ZNF599: variants seen among roughly 807,000 people sequenced by gnomAD.
ZNF599 encodes zinc finger protein 599.
In ZNF599, 10 loss-of-function variants were observed where a neutral mutation model predicts 11.7. That is an observed-to-expected ratio of 0.86 (90% CI 0.53 to 1.45). ZNF599 has a LOEUF of 1.45. ZNF599 is among the 40% of genes most tolerant of loss of function. The pLI is 0.00. For missense variants in ZNF599, 688 were observed against 713.6 expected (o/e 0.96, Z 0.41); for synonymous variants, 232 against 253.2 (o/e 0.92, Z 0.79).
rs1391393429 is a variant in ZNF599, at chr19:34,759,478, A to G, written c.1323T>C (p.His441=). 1 of 1,614,004 alleles carries G rather than the reference A, an allele frequency of 6.2e-7. No individual in the cohort carries two copies. ...AFCDSSSLIQ[H]MRIHTGEKPY... ...GCTTCTCACCAGTGTGAATCCTCAT[A>G]TGTTGAATTAAGGAAGAGCTGTCAC... Residue 441 remains histidine, a synonymous_variant, in exon 4 of 4, where the codon CAT becomes CAC. Transcript: ENST00000329285.
intron 3 of ZNF599, 88 bp from the exon 4 acceptor site, chr19:34,760,647 G>T: frequency 8.3e-7 from 1 of 1,210,670 alleles, no homozygotes; most frequent in South Asian, 1.6e-5. Context: ...GAATGAAGGT[G>T]AAAACAGTGT....
At chr19:34,787,022 C>T in the ZNF599 span, among the ~76,000 whole-genome samples, 1 of 152,140 alleles carries the variant, frequency 6.6e-6, no homozygotes, top group Non-Finnish European at 1.5e-5. Context: ...CCCACCAAAA[C>T]CTAGTGAATC....
At chr19:34,801,094 T>A in the ZNF599 span, among the ~76,000 whole-genome samples, 2 of 152,122 alleles carry the variant, frequency 1.3e-5, no homozygotes, top group Admixed American at 6.5e-5. Context: ...TCACAGTCAG[T>A]GATCTGAGGA....
chr19:34,804,900 T>G, the ZNF599 span, among the ~76,000 whole-genome samples: 1 of 152,182 alleles, frequency 6.6e-6, no homozygotes, highest in Non-Finnish European at 1.5e-5. Context: ...ACCAGACACC[T>G]GCATGCTAGC....
upstream of ZNF599, among the ~76,000 whole-genome samples, chr19:34,777,138 C>A (rs564810313): frequency 2.4e-4 from 35 of 148,908 alleles, no homozygotes; most frequent in Non-Finnish European, 3.9e-4. Flanking sequence ...AATTGTCAAG[C>A]CCAAGGGTGA....
At chr19:34,792,807 G>T in the ZNF599 span, among the ~76,000 whole-genome samples, 1 of 151,910 alleles carries the variant, frequency 6.6e-6, no homozygotes, top group African/African-American at 2.4e-5. Context: ...AGCTTACCGT[G>T]AGCGGAGATC....
the ZNF599 span, among the ~76,000 whole-genome samples, chr19:34,797,685 G>A: frequency 6.6e-6 from 1 of 152,198 alleles, no homozygotes; most frequent in East Asian, 1.9e-4. Context: ...AATATAGTGT[G>A]TGCATCAGCA....
the ZNF599 span, among the ~76,000 whole-genome samples, chr19:34,797,499 T>G: frequency 6.6e-6 from 1 of 152,000 alleles, no homozygotes; most frequent in African/African-American, 2.4e-5. Context: ...TTTTAATGAT[T>G]GCCATTCTAA....
chr19:34,762,002 A>T (rs1444562650), intron 3 of ZNF599, among the ~76,000 whole-genome samples: 1 of 152,192 alleles, frequency 6.6e-6, no homozygotes, highest in East Asian at 1.9e-4. Context: ...ACCTAAGCAA[A>T]TGAGACAAAG....
intron 3 of ZNF599, chr19:34,765,703 G>A (rs2069138050): frequency 1.4e-6 from 1 of 702,534 alleles, no homozygotes; most frequent in African/African-American, 1.7e-5. Context: ...AATCAAGTGT[G>A]TAGGCTTTAT....
chr19:34,794,976 A>T, the ZNF599 span, among the ~76,000 whole-genome samples: 1 of 152,148 alleles, frequency 6.6e-6, no homozygotes, highest in Non-Finnish European at 1.5e-5. Flanking sequence ...GAAGGAGTAA[A>T]AATCTCTGAA....
At chr19:34,798,146 C>T in the ZNF599 span, among the ~76,000 whole-genome samples, 3 of 152,222 alleles carry the variant, frequency 2.0e-5, no homozygotes, top group African/African-American at 7.2e-5. Context: ...TTTACACAAT[C>T]CTGCATGCAA....
chr19:34,774,717 A>G (rs1437427885), upstream of ZNF599, among the ~76,000 whole-genome samples: 2 of 152,162 alleles, frequency 1.3e-5, no homozygotes, highest in Non-Finnish European at 2.9e-5. Flanking sequence ...TATTTATCCT[A>G]TACATTCTAC....
the ZNF599 span, among the ~76,000 whole-genome samples, chr19:34,805,872 A>G: frequency 6.6e-6 from 1 of 152,174 alleles, no homozygotes; most frequent in Non-Finnish European, 1.5e-5. Flanking sequence ...ACCTTCAAGC[A>G]TTTGGAGATG....
chr19:34,765,729 G>A (rs2069138214), intron 3 of ZNF599: 2 of 699,724 alleles, frequency 2.9e-6, no homozygotes, highest in African/African-American at 3.5e-5. Flanking sequence ...AAGTAGGTCA[G>A]ATGCTCTGAC....
In ZNF599 at chr19:34,759,854, C is replaced by A. The variant is rs1273586911; in HGVS notation, c.947G>T (p.Cys316Phe). The change falls in exon 4 of 4, where the codon TGT (cysteine) becomes TTT (phenylalanine). Residue 316 changes from cysteine to phenylalanine, a missense_variant. Cys to Phe is a radical substitution (Grantham distance 205, BLOSUM62 -2). Coordinates refer to ENST00000329285, the MANE Select transcript of ZNF599 (RefSeq NM_001007248.3). ...GGAGCTGTAGTAAAAAGCTTTCCCACATTCTTTGCATAAAAAGGGTTTTTC... is the reference window on the plus strand; with the variant it reads ...GGAGCTGTAGTAAAAAGCTTTCCCAAATTCTTTGCATAAAAAGGGTTTTTC... ...TREKPFLCKE[C>F]GKAFYYSSSF... 6.2e-7 allele frequency: 1 copy of A among 1,614,040 alleles called. No individual in the cohort carries two copies. The highest frequency in any genetic ancestry group is 1.3e-5 in the African/African-American group (1 of 74,904).
the ZNF599 span, among the ~76,000 whole-genome samples, chr19:34,780,795 AAGAG>A: frequency 1.7e-4 from 26 of 151,344 alleles, no homozygotes; most frequent in East Asian, 5.9e-4. Flanking sequence ...AAGGGAGAGA[AAGAG>A]AGGAAAGAAA....
chr19:34,777,785 A>C (rs2069228874), upstream of ZNF599, among the ~76,000 whole-genome samples: 1 of 151,568 alleles, frequency 6.6e-6, no homozygotes, highest in Admixed American at 6.6e-5. Context: ...AAACTCATAG[A>C]GGCAGAGAGC....
At chr19:34,802,802 G>A in the ZNF599 span, among the ~76,000 whole-genome samples, 2 of 152,130 alleles carry the variant, frequency 1.3e-5, no homozygotes, top group African/African-American at 2.4e-5. Flanking sequence ...TGAGCCGCAT[G>A]TCCCCACTAA....
Sources: gnomAD v4.1 joint callset for allele counts (sites outside exome capture counted in the v4.1 genomes callset) on GRCh38, gnomAD v4.1.1 for gene constraint, MANE v1.5 for transcripts, NCBI Gene and HGNC (gene_info 2026-07-23, HGNC 2026-07-21) for gene names.